Variants in FAM180A observed in about 807,000 individuals in gnomAD.
FAM180A encodes family with sequence similarity 180 member A, also known as protein FAM180A.
Under a neutral mutation model 15.3 loss-of-function variants are expected in FAM180A, and 14 were observed. That is an observed-to-expected ratio of 0.92 (90% confidence interval 0.61 to 1.43). The LOEUF (loss-of-function observed/expected upper bound fraction) is 1.43, where lower values mean the gene tolerates loss of function less well. Ranked by LOEUF, FAM180A falls within the 40% of genes most tolerant of loss-of-function variation. The pLI, the probability that FAM180A is intolerant of heterozygous loss-of-function variation, is 0.00. For synonymous variants in FAM180A, 90 were observed against 96.8 expected, an observed-to-expected ratio of 0.93 and a Z score of 0.41; for missense variants, 200 against 220.8, an observed-to-expected ratio of 0.91 and a Z score of 0.60.
At chr7:135,735,655 A>T (rs984232772) in intron 2 of FAM180A, among the ~76,000 whole-genome samples, 7 of 152,168 alleles carry the variant, frequency 4.6e-5, no homozygotes, top group African/African-American at 1.7e-4. Context: ...GCAGGATTTG[A>T]AATCTCTCCC....
At chr7:135,744,445 T>G (rs182357083) in intron 1 of FAM180A, among the ~76,000 whole-genome samples, 230 of 152,340 alleles carry the variant, frequency 1.5e-3, no homozygotes, top group Non-Finnish European at 2.9e-3. Context: ...GTAAAAGATC[T>G]TTTGCCAGAT....
chr7:135,739,310 CAA>C (rs11383815), intron 1 of FAM180A, among the ~76,000 whole-genome samples: 9 of 76,572 alleles, frequency 1.2e-4, no homozygotes, highest in Admixed American at 3.4e-4. Flanking sequence ...GACTGCATCT[CAA>C]AAAAAAAAAA....
At position 135,734,126 on chromosome 7, in the gene FAM180A, T is replaced by C. The variant is rs2129495930; in HGVS notation, c.371A>G (p.Glu124Gly). The C allele has an allele frequency of 6.2e-7, 1 of 1,614,194 alleles. No homozygotes were observed. Among genetic ancestry groups the C allele is most frequent in the African/African-American group, 1.3e-5 (1 of 75,060 alleles). Residue 124 changes from glutamate to glycine, a missense_variant, in exon 3 of 4, where the codon GAA (glutamate) becomes GGA (glycine). By Grantham distance (98) the Glu-to-Gly change is moderately conservative. Coordinates refer to ENST00000338588, the MANE Select transcript of FAM180A (RefSeq NM_205855.4). ...HPGILKKEDF[E>G]RTVLTLAYTA... ...GTAGGCCAGGGTCAGCACTGTCCTT[T>C]CAAAGTCTTCTTTCTTGAGGATGCC...
rs1796755344 is a variant in FAM180A, at chr7:135,729,816, A to G, written c.*795T>C. On this transcript the variant is annotated 3_prime_UTR_variant, in exon 4 of 4. Transcript: ENST00000338588. Reference sequence around the variant, plus strand: ...AAGTAGTCAGACTCTCAAAAACAGAAAGCAGAATAATGGTGCCAAGAGCTG... The same window carrying G: ...AAGTAGTCAGACTCTCAAAAACAGAGAGCAGAATAATGGTGCCAAGAGCTG... 1.1e-6 allele frequency: 1 copy of G among 929,094 alleles called. No homozygotes were observed. Among genetic ancestry groups the G allele is most frequent in the Non-Finnish European group, 1.3e-6 (1 of 778,610 alleles). 57.6% of individuals were successfully genotyped at this position (929,094 alleles called of 1,614,324 possible).
chr7:135,739,926 T>C (rs74393071), intron 1 of FAM180A, among the ~76,000 whole-genome samples: 5,430 of 152,312 alleles, frequency 0.036, 110 homozygotes, highest in Middle Eastern at 0.078. Flanking sequence ...GGCATAGCTG[T>C]TGATGACCAA....
chr7:135,731,231 C>A (rs1796775953), intron 3 of FAM180A, among the ~76,000 whole-genome samples: 1 of 152,092 alleles, frequency 6.6e-6, no homozygotes, highest in Non-Finnish European at 1.5e-5. Flanking sequence ...GGGTATTGCA[C>A]AGTGTCTAGG....
chr7:135,737,035 A>G lies in FAM180A; in HGVS notation c.177+64T>C. 9 of 1,360,044 alleles carry G rather than the reference A, an allele frequency of 6.6e-6. No individual in the cohort carries two copies. The South Asian group carries it at 1.1e-4, about 17-fold the overall frequency. The allele number at this position is 1,360,044 out of a possible 1,614,324, so 84.2% of individuals were successfully genotyped here. A position where few individuals can be genotyped will look rare whatever the true frequency, so the allele number is the denominator to read the frequency against. On this transcript the variant is annotated intron_variant, in intron 2 of 3. Coordinates refer to ENST00000338588, the MANE Select transcript of FAM180A (RefSeq NM_205855.4). ...TGAGGGGTCACTTCTCCTTTTCCAA[A>G]AAAGATAGAGAAAGTGCAGAGTCTT...
At chr7:135,747,240 C>G (rs1475196853) in intron 1 of FAM180A, among the ~76,000 whole-genome samples, 1 of 152,022 alleles carries the variant, frequency 6.6e-6, no homozygotes, top group Non-Finnish European at 1.5e-5. Context: ...ATCAAAACAT[C>G]TCATAGGCCC....
chr7:135,729,958 G>T lies in FAM180A; in HGVS notation c.*653C>A. The T allele has an allele frequency of 1.1e-6, 1 of 871,050 alleles. No homozygotes were observed. Among genetic ancestry groups the T allele is most frequent in the Non-Finnish European group, 1.4e-6 (1 of 725,880 alleles). 54.0% of individuals were successfully genotyped at this position (871,050 alleles called of 1,614,324 possible). On this transcript the variant is annotated 3_prime_UTR_variant, in exon 4 of 4. Coordinates refer to ENST00000338588, the MANE Select transcript of FAM180A (RefSeq NM_205855.4). ...CAACATGCATGGAGTTAACACTGCTGTACCATATGCTTAAAAATGGTTAAG... is the reference window on the plus strand; with the variant it reads ...CAACATGCATGGAGTTAACACTGCTTTACCATATGCTTAAAAATGGTTAAG...
chr7:135,734,543 C>T lies in FAM180A; in HGVS notation c.178-224G>A, dbSNP rs190853624. The stretch of plus-strand genomic sequence containing the variant: ...CTGTGTAAATAATTAGTAACACCAT[C>T]TACTTCACTGGGATATTGTGAGAGG... On this transcript the variant is annotated intron_variant, in intron 2 of 3. Coordinates refer to ENST00000338588, the MANE Select transcript of FAM180A (RefSeq NM_205855.4). Among the ~76,000 whole-genome samples the T allele has an allele frequency of 4.6e-3, 696 of 152,316 alleles. 3 individuals are homozygous for T. Among genetic ancestry groups the T allele is most frequent in the South Asian group, 0.027 (130 of 4,826 alleles).
At chr7:135,736,933 T>C (rs1261201115) in intron 2 of FAM180A, among the ~76,000 whole-genome samples, 166 bp downstream of exon 2, 1 of 152,230 alleles carries the variant, frequency 6.6e-6, no homozygotes, top group Non-Finnish European at 1.5e-5. Flanking sequence ...AGGAATACTT[T>C]ATGAATGAGT....
At chr7:135,741,960 G>T (rs28452679) in intron 1 of FAM180A, among the ~76,000 whole-genome samples, 26,416 of 152,180 alleles carry the variant, frequency 0.17, 2,601 homozygotes, top group Admixed American at 0.3. Flanking sequence ...TGTATGTGTG[G>T]GAAGCACAGG....
rs1035154615 is a variant in FAM180A at position 135,729,932 on chromosome 7, A to C, written c.*679T>G. 1 of 790,050 alleles carries C rather than the reference A, an allele frequency of 1.3e-6. No homozygotes were observed. The highest frequency in any genetic ancestry group is 1.9e-5 in the African/African-American group (1 of 53,236). The allele number at this position is 790,050 out of a possible 1,614,324, so 48.9% of individuals were successfully genotyped here. ...TGAGAAAGTTCCGGGGGTCTGTTTC[A>C]CAACATGCATGGAGTTAACACTGCT... is the stretch of plus-strand genomic sequence containing the variant. On this transcript the variant is annotated 3_prime_UTR_variant, in exon 4 of 4. Coordinates refer to ENST00000338588, the MANE Select transcript of FAM180A (RefSeq NM_205855.4).
At chr7:135,730,362 T>C (rs1419598750) in intron 3 of FAM180A, 81 bp from the exon 4 acceptor site, 10 of 361,338 alleles carry the variant, frequency 2.8e-5, no homozygotes, top group Non-Finnish European at 3.5e-5. Flanking sequence ...GCCAACATGG[T>C]GAAACCCCAT....
intron 2 of FAM180A, 30 bp from the exon 3 acceptor site, chr7:135,734,349 T>A: frequency 6.4e-7 from 1 of 1,556,094 alleles, no homozygotes; most frequent in South Asian, 1.2e-5. Context: ...TGCAAAAATA[T>A]GAAGTGAGGC....
At chr7:135,732,888 T>G (rs1430251441) in intron 3 of FAM180A, among the ~76,000 whole-genome samples, 1 of 152,242 alleles carries the variant, frequency 6.6e-6, no homozygotes, top group Non-Finnish European at 1.5e-5. Context: ...TCATTTTTAT[T>G]TGGAGCATTT....
intron 3 of FAM180A, among the ~76,000 whole-genome samples, chr7:135,731,237 C>T (rs1374537869): frequency 2.6e-5 from 4 of 152,084 alleles, no homozygotes; most frequent in Non-Finnish European, 1.5e-5. Context: ...TGCACAGTGT[C>T]TAGGGACTGA....
intron 3 of FAM180A, among the ~76,000 whole-genome samples, chr7:135,731,214 A>G (rs983642051): frequency 5.9e-5 from 9 of 152,104 alleles, no homozygotes; most frequent in Admixed American, 3.9e-4. Context: ...TACAAGACTG[A>G]CTATCAGGGT....
At chr7:135,746,398 A>G (rs1797032929) in intron 1 of FAM180A, among the ~76,000 whole-genome samples, 1 of 152,180 alleles carries the variant, frequency 6.6e-6, no homozygotes, top group African/African-American at 2.4e-5. Flanking sequence ...CAGTAATAGC[A>G]TGAGGGTTTT....
Sources: allele counts gnomAD v4.1 joint callset (sites outside exome capture counted in the v4.1 genomes callset), GRCh38; gene constraint gnomAD v4.1.1; transcripts MANE v1.5; gene names NCBI Gene and HGNC (gene_info 2026-07-23, HGNC 2026-07-21).